Variants in STAT4 observed in about 807,000 individuals in gnomAD.
STAT4 encodes signal transducer and activator of transcription 4.
A neutral mutation model predicts 110.5 loss-of-function variants in STAT4; 42 were observed. That is an observed-to-expected ratio of 0.38 (90% CI 0.30 to 0.49). The LOEUF (loss-of-function observed/expected upper bound fraction) is 0.49. Among genes scored for constraint, STAT4 ranks in the 20% least tolerant of loss-of-function variants. STAT4 has a pLI of 0.95. For synonymous variants in STAT4, 284 were observed against 302.2 expected, an observed-to-expected ratio of 0.94 and a Z score of 0.63; for missense variants, 632 against 887.9, an observed-to-expected ratio of 0.71 and a Z score of 3.66.
In STAT4 at chr2:191,142,892, A is replaced by G. The variant is rs1056507112; in HGVS notation, c.273+3721T>C. Among the ~76,000 whole-genome samples the G allele has an allele frequency of 5.9e-5, 9 of 152,218 alleles. No homozygotes were observed. Among genetic ancestry groups the G allele is most frequent in the African/African-American group, 2.2e-4 (9 of 41,460 alleles). On this transcript the variant is annotated intron_variant, in intron 3 of 23. Coordinates refer to ENST00000392320, the MANE Select transcript of STAT4 (RefSeq NM_003151.4). This position sits in a 1 kb window ranked among gnomAD's most constrained non-coding sequence, Gnocchi z 4.1. Reference sequence around the variant, plus strand: ...ATGAAACTCTCTAGTATGATATTGTAATGGTAGATATATGACATTATGCAT... The same window carrying G: ...ATGAAACTCTCTAGTATGATATTGTGATGGTAGATATATGACATTATGCAT...
rs1167352479 is a variant in STAT4 at position 191,039,300 on chromosome 2, G to T, written c.1336-3C>A. On this transcript the variant is annotated splice_region_variant and splice_polypyrimidine_tract_variant and intron_variant, in intron 15 of 23. Coordinates refer to ENST00000392320, the MANE Select transcript of STAT4 (RefSeq NM_003151.4). The surrounding 1 kb of genome is among the most constrained non-coding windows in gnomAD (Gnocchi z 4.7). ...ATCACCACAGGCAATGAGCTGGTCT[G>T]GTTTGGGGGGAAAAAAGCATAGTTA... 1 of 1,613,706 alleles carries T rather than the reference G, an allele frequency of 6.2e-7. No homozygotes were observed. The highest frequency in any genetic ancestry group is 8.5e-7 in the Non-Finnish European group (1 of 1,179,714).
chr2:191,130,047 T>A (rs1274867063), intron 3 of STAT4, among the ~76,000 whole-genome samples: 1 of 152,012 alleles, frequency 6.6e-6, no homozygotes, highest in Non-Finnish European at 1.5e-5. Flanking sequence ...AGGAATTCCT[T>A]CCTTGAAGGT....
intron 3 of STAT4, among the ~76,000 whole-genome samples, chr2:191,100,946 C>T (rs982995038): frequency 6.6e-6 from 1 of 151,988 alleles, no homozygotes. Flanking sequence ...ACTGGAGGTC[C>T]GAAGTCAAGG....
intron 6 of STAT4, chr2:191,068,279 T>C (rs1028668217): frequency 1.3e-5 from 2 of 152,162 alleles, no homozygotes; most frequent in African/African-American, 4.8e-5. Flanking sequence ...GCATATAAAA[T>C]TTGGAATAAG....
At chr2:191,047,982 T>G (rs942064744) in intron 14 of STAT4, among the ~76,000 whole-genome samples, 1 of 152,188 alleles carries the variant, frequency 6.6e-6, no homozygotes, top group Non-Finnish European at 1.5e-5. Context: ...TTAATTTCTA[T>G]GAATAAATAT....
rs60540298 is a variant in STAT4, at chr2:191,139,093, C to T, written c.273+7520G>A. Reference sequence around the variant, plus strand: ...AACCCTCAACAAAATAGGCATAAAACGAACTTAAAATAATAAAAGCCATAT... The same window carrying T: ...AACCCTCAACAAAATAGGCATAAAATGAACTTAAAATAATAAAAGCCATAT... On this transcript the variant is annotated intron_variant, in intron 3 of 23. Coordinates refer to ENST00000392320, the MANE Select transcript of STAT4 (RefSeq NM_003151.4). 3.9e-3 allele frequency among the ~76,000 whole-genome samples: 587 copies of T among 151,230 alleles called. 10 individuals carry two copies. Among genetic ancestry groups the T allele is most frequent in the South Asian group, 0.028 (136 of 4,784 alleles).
intron 7 of STAT4, among the ~76,000 whole-genome samples, chr2:191,065,581 T>A (rs1474677977): frequency 6.6e-6 from 1 of 152,186 alleles, no homozygotes; most frequent in Non-Finnish European, 1.5e-5. Context: ...CTTTTTAAAA[T>A]GTTATTCCTA....
intron 3 of STAT4, among the ~76,000 whole-genome samples, chr2:191,133,814 C>G (rs1189640426): frequency 1.3e-5 from 2 of 150,384 alleles, no homozygotes; most frequent in Admixed American, 1.3e-4. Context: ...AAAACTTACT[C>G]CTACACAAAA....
rs558894603 is a variant in STAT4, at chr2:191,102,517, G to A, written c.274-26192C>T. On this transcript the variant is annotated intron_variant, in intron 3 of 23. Transcript: ENST00000392320. ...GTAGATAACCTCACATTCACTACAA[G>A]CTCCTCCCGCTGTGGGCTACTGTGC... Among the ~76,000 whole-genome samples the A allele has an allele frequency of 5.3e-5, 8 of 152,184 alleles. No homozygotes were observed. In the Middle Eastern group the frequency reaches 0.01, roughly 194 times the overall value.
chr2:191,072,368 G>GGTCT (rs1697189357), intron 5 of STAT4, among the ~76,000 whole-genome samples: 1 of 152,070 alleles, frequency 6.6e-6, no homozygotes, highest in Non-Finnish European at 1.5e-5. Context: ...TTTTGTCCTA[G>GGTCT]GTCTGTCTGA....
At chr2:191,072,973 T>C (rs1243285386) in intron 5 of STAT4, 125 bp downstream of exon 5, 1 of 653,304 alleles carries the variant, frequency 1.5e-6, no homozygotes, top group African/African-American at 1.8e-5. Flanking sequence ...GTGAGAGATA[T>C]TTATCTTATT....
Position 191,031,048 on chromosome 2 carries a change from G to C in STAT4, c.2144C>G (p.Ser715Ter), listed in dbSNP as rs1206579181. 1 of 1,613,898 alleles carries C rather than the reference G, an allele frequency of 6.2e-7. No individual in the cohort carries two copies. Among genetic ancestry groups the C allele is most frequent in the Non-Finnish European group, 8.5e-7 (1 of 1,179,872 alleles). The change falls in exon 23 of 24, where the codon TCA becomes TGA. Residue 715 changes from serine (S) to a stop codon, truncating the protein, a stop_gained. Coordinates refer to ENST00000392320, the MANE Select transcript of STAT4 (RefSeq NM_003151.4). LOFTEE classifies it high-confidence loss of function. The surrounding 1 kb of genome is among the most constrained non-coding windows in gnomAD (Gnocchi z 4.8). The stretch of plus-strand genomic sequence containing the variant: ...ACTTGGAGACATGGGAAGAAGGTCT[G>C]ATGGAGAATGTGGCTCTGTTGAATC... The part of the protein sequence containing the change: ...RSDSTEPHSP[S>*]DLLPMSPSVY...
intron 3 of STAT4, among the ~76,000 whole-genome samples, chr2:191,087,850 G>T (rs1478608418): frequency 6.6e-6 from 1 of 151,888 alleles, no homozygotes. Context: ...TGACTTTCAT[G>T]ATAAAAACTC....
chr2:191,089,373 T>A (rs1426499031), intron 3 of STAT4, among the ~76,000 whole-genome samples: 2 of 152,150 alleles, frequency 1.3e-5, no homozygotes, highest in Admixed American at 6.5e-5. Context: ...AATGCATCTA[T>A]CAGAACAATC....
In STAT4 at chr2:191,064,870, C is replaced by A. The variant is rs61756200; in HGVS notation, c.719G>T (p.Arg240Leu). ...CCCGATGCAGGCGATTTGCTGCCGCCGCTTCCAGTCTTGCAGCTCTTCTAT... is the reference window on the plus strand; with the variant it reads ...CCCGATGCAGGCGATTTGCTGCCGCAGCTTCCAGTCTTGCAGCTCTTCTAT... ...MLIEELQDWK[R>L]RQQIACIGGP... is the part of the protein sequence containing the mutation. The change falls in exon 8 of 24, where the codon CGG (arginine) becomes CTG (leucine). Residue 240 changes from arginine (R) to leucine (L), a missense_variant. By Grantham distance (102) the Arg-to-Leu change is moderately radical (BLOSUM62 -2). Around this residue, in one of 4 missense-constraint regions of STAT4, gnomAD observed 488 missense variants for 632.8 expected, o/e 0.77. Transcript: ENST00000392320. 8.1e-6 allele frequency: 13 copies of A among 1,613,206 alleles called. No homozygotes were observed. The Admixed American group carries it at 1.2e-4, about 15-fold the overall frequency.
chr2:191,089,368 A>G (rs1051718392), intron 3 of STAT4, among the ~76,000 whole-genome samples: 1 of 152,232 alleles, frequency 6.6e-6, no homozygotes, highest in Non-Finnish European at 1.5e-5. Flanking sequence ...ACTGCAATGC[A>G]TCTATCAGAA....
intron 3 of STAT4, among the ~76,000 whole-genome samples, chr2:191,087,747 A>G (rs1330097728): frequency 3.9e-5 from 6 of 152,170 alleles, no homozygotes; most frequent in Admixed American, 3.3e-4. Flanking sequence ...TACGGTGAAA[A>G]AAACAAACCC....
chr2:191,149,983 T>A (rs1324911122), intron 1 of STAT4, among the ~76,000 whole-genome samples: 10 of 152,162 alleles, frequency 6.6e-5, no homozygotes, highest in African/African-American at 1.9e-4. Flanking sequence ...TTCAAAAAGC[T>A]AAGAGGATTT....
At chr2:191,045,267 A>C (rs952863512) in intron 14 of STAT4, among the ~76,000 whole-genome samples, 4 of 152,200 alleles carry the variant, frequency 2.6e-5, no homozygotes, top group South Asian at 4.1e-4. Flanking sequence ...TATAGTAGGT[A>C]AAAAAGGACC....
Sources: allele counts gnomAD v4.1 joint callset (sites outside exome capture counted in the v4.1 genomes callset), GRCh38; gene constraint gnomAD v4.1.1; regional missense constraint gnomAD v4.1.1; non-coding constraint Gnocchi (gnomAD v3.1); transcripts MANE v1.5; gene names NCBI Gene and HGNC (gene_info 2026-07-23, HGNC 2026-07-21).